TUBGCP6: variants seen among roughly 807,000 people sequenced by gnomAD.
TUBGCP6 encodes tubulin gamma complex component 6.
Under a neutral mutation model 175.8 loss-of-function variants are expected in TUBGCP6, and 161 were observed. The ratio of observed to expected loss-of-function variants is 0.92; its 90% CI spans 0.81 to 1.04. The LOEUF is 1.04. Among genes scored for constraint, TUBGCP6 ranks in the 50% least tolerant of loss-of-function variants. TUBGCP6 has a pLI of 0.00. For synonymous variants in TUBGCP6, 1,173 were observed against 1,030.5 expected (o/e 1.14, Z -2.65); for missense variants, 2,572 against 2,433.0 (o/e 1.06, Z -1.20).
At chr22:50,222,151 G>T in intron 14 of TUBGCP6, 49 bp from the exon 15 acceptor site, 1 of 1,579,534 alleles carries the variant, frequency 6.3e-7, no homozygotes, top group Non-Finnish European at 8.7e-7. Context: ...GTCAAGCACA[G>T]CCCTACCCCA....
At position 50,220,912 on chromosome 22, in the gene TUBGCP6, C is replaced by G; in HGVS notation, c.3447G>C (p.Ser1149=). 1.9e-6 allele frequency: 3 copies of G among 1,552,592 alleles called. No individual in the cohort carries two copies. Among genetic ancestry groups the G allele is most frequent in the Non-Finnish European group, 1.7e-6 (2 of 1,149,964 alleles). ...NASIRVGENV[S]DVAPTRPRWN... ...ACCGTGGCCGGGTGGGAGCCACGTC[C>G]GACACGTTCTCCCCAACCCTGATGC... Residue 1149 remains serine, a synonymous_variant, in exon 16 of 25, where the codon TCG becomes TCC. Coordinates refer to ENST00000248846, the MANE Select transcript of TUBGCP6 (RefSeq NM_020461.4).
chr22:50,226,098 T>C lies in TUBGCP6; in HGVS notation c.1785A>G (p.Ile595Met), dbSNP rs1409897713. ...PVFLKHIAHD[I>M]YVCGKTINLL... The stretch of plus-strand genomic sequence containing the variant: ...GGTTAATGGTCTTTCCGCAGACGTA[T>C]ATGTCGTGGGCAATGTGCTTCAGAA... Residue 595 changes from isoleucine to methionine, a missense_variant, in exon 9 of 25, where the codon ATA (isoleucine) becomes ATG (methionine). Ile to Met is a conservative substitution (Grantham distance 10). Transcript: ENST00000248846. 3 of 1,614,040 alleles carry C rather than the reference T, an allele frequency of 1.9e-6. No individual in the cohort carries two copies. The highest frequency in any genetic ancestry group is 1.7e-5 in the Admixed American group (1 of 60,006).
chr22:50,241,983 CAAAAAAAA>C (rs55647714), intron 1 of TUBGCP6, among the ~76,000 whole-genome samples: 26 of 92,806 alleles, frequency 2.8e-4, no homozygotes, highest in African/African-American at 8.1e-4. Context: ...GACTCCATCT[CAAAAAAAA>C]AAAAAAAAAA....
At chr22:50,241,554 A>G (rs189375430) in intron 1 of TUBGCP6, among the ~76,000 whole-genome samples, 1 of 152,298 alleles carries the variant, frequency 6.6e-6, no homozygotes, top group Admixed American at 6.5e-5. Flanking sequence ...CTCCTAGTCC[A>G]CTTTCATGTT....
rs1245511049 is a variant in TUBGCP6, at chr22:50,244,987, T to C, written c.-528A>G. ...CGTGGAAAGTGCCCACGGCTGCCGCTCTCGCCGCCTCCGTCGCGTCACAGC... is the reference window on the plus strand; with the variant it reads ...CGTGGAAAGTGCCCACGGCTGCCGCCCTCGCCGCCTCCGTCGCGTCACAGC... On this transcript the variant is annotated 5_prime_UTR_variant, in exon 1 of 25. Coordinates refer to ENST00000248846, the MANE Select transcript of TUBGCP6 (RefSeq NM_020461.4). The C allele has an allele frequency of 4.4e-6, 1 of 225,030 alleles. No individual in the cohort carries two copies. The highest frequency in any genetic ancestry group is 8.9e-6 in the Non-Finnish European group (1 of 112,864). 13.9% of individuals were successfully genotyped at this position (225,030 alleles called of 1,614,324 possible).
At position 50,233,331 on chromosome 22, in the gene TUBGCP6, C is replaced by T. The variant is rs547301117; in HGVS notation, c.1101G>A (p.Thr367=). The T allele has an allele frequency of 8.7e-6, 14 of 1,613,518 alleles. No homozygotes were observed. The highest frequency in any genetic ancestry group is 3.3e-5 in the Admixed American group (2 of 59,990). ...LNVLIGVVSA[T]FSLCQPAQAF... ...CAGTTCTCACCTGGCAGAGCGAAAA[C>T]GTGGCAGACACGACCCCAATCAAGA... is the stretch of plus-strand genomic sequence containing the variant. Residue 367 remains threonine (T), a synonymous_variant, in exon 3 of 25, where the codon ACG becomes ACA. Transcript: ENST00000248846.
chr22:50,219,507 C>T (rs374308075), intron 18 of TUBGCP6, 51 bp from the exon 19 acceptor site: 20 of 1,592,380 alleles, frequency 1.3e-5, no homozygotes, highest in South Asian at 4.5e-5. Context: ...CCCAGGGCTC[C>T]GCCCCCATCC....
At chr22:50,233,220 C>T in intron 3 of TUBGCP6, 96 bp downstream of exon 3, 1 of 1,398,458 alleles carries the variant, frequency 7.2e-7, no homozygotes, top group Admixed American at 2.0e-5. Flanking sequence ...CCACTCCCTG[C>T]ACTGGGGCTT....
Position 50,218,615 on chromosome 22 carries a change from G to C in TUBGCP6, c.4827C>G (p.Asp1609Glu). The part of the protein sequence containing the change: ...LSCLELRYKV[D>E]WPLNIVITEG... Reference sequence around the variant, plus strand: ...CGGTGATGACAATGTTGAGAGGCCAGTCCACCTGCCAGGAGGCGTGGCTCA... The same window carrying C: ...CGGTGATGACAATGTTGAGAGGCCACTCCACCTGCCAGGAGGCGTGGCTCA... Residue 1609 changes from aspartate (D) to glutamate (E), a missense_variant, in exon 22 of 25, where the codon GAC becomes GAG. Transcript: ENST00000248846. 1 of 1,613,624 alleles carries C rather than the reference G, an allele frequency of 6.2e-7. No homozygotes were observed. The highest frequency in any genetic ancestry group is 8.5e-7 in the Non-Finnish European group (1 of 1,179,838).
chr22:50,236,256 CT>C (rs930733194), intron 2 of TUBGCP6, among the ~76,000 whole-genome samples: 1 of 152,112 alleles, frequency 6.6e-6, no homozygotes, highest in African/African-American at 2.4e-5. Flanking sequence ...CTGCCTCAGC[CT>C]CCCGAGTAGC....
chr22:50,219,856 CAA>C, intron 17 of TUBGCP6, 65 bp from the exon 18 acceptor site: 1 of 1,602,354 alleles, frequency 6.2e-7, no homozygotes, highest in South Asian at 1.1e-5. Context: ...CAGCTTGTGC[CAA>C]AAAAAGGAAA....
chr22:50,224,566 T>C lies in TUBGCP6; in HGVS notation c.2010A>G (p.Gln670=), dbSNP rs142480840. ...EKELRMEIAK[Q]ELIAHAREAA... Reference sequence around the variant, plus strand: ...CTTCCCGGGCATGAGCGATTAATTCTTGTTTTGCAATTTCCATACGTAATT... The same window carrying C: ...CTTCCCGGGCATGAGCGATTAATTCCTGTTTTGCAATTTCCATACGTAATT... Residue 670 remains glutamine (Q), a synonymous_variant, in exon 11 of 25, where the codon CAA becomes CAG. Transcript: ENST00000248846. 1.7e-5 allele frequency: 28 copies of C among 1,614,112 alleles called. No individual in the cohort carries two copies. Among genetic ancestry groups the C allele is most frequent in the East Asian group, 8.9e-5 (4 of 44,890 alleles).
In TUBGCP6 at chr22:50,217,804, C is replaced by T. The variant is rs150137904; in HGVS notation, c.5392G>A (p.Gly1798Ser). The T allele has an allele frequency of 8.7e-6, 14 of 1,613,828 alleles. No individual in the cohort carries two copies. Among genetic ancestry groups the T allele is most frequent in the African/African-American group, 5.3e-5 (4 of 74,908 alleles). Residue 1798 changes from glycine to serine, a missense_variant, in exon 25 of 25, where the codon GGC (glycine) becomes AGC (serine). By Grantham distance (56) the Gly-to-Ser change is moderately conservative. Coordinates refer to ENST00000248846, the MANE Select transcript of TUBGCP6 (RefSeq NM_020461.4). ...AAGTCCTCCAGGTGGGGCTGGTAGC[C>T]GCGGTTCACCAGCTTGGTCACCACT... ...FKVVTKLVNR[G>S]YQPHLEDFLL...
chr22:50,219,795 A>G lies in TUBGCP6; in HGVS notation c.4168-4T>C. On this transcript the variant is annotated splice_polypyrimidine_tract_variant and splice_region_variant and intron_variant, in intron 17 of 24. Coordinates refer to ENST00000248846, the MANE Select transcript of TUBGCP6 (RefSeq NM_020461.4). ...TGCTCTGGGCAGCTGTGTCTTCCTA[A>G]CAAAACACCAGCCTCAGAACCACCT... is the stretch of plus-strand genomic sequence containing the variant. 6.2e-7 allele frequency: 1 copy of G among 1,612,048 alleles called. No homozygotes were observed. Among genetic ancestry groups the G allele is most frequent in the Non-Finnish European group, 8.5e-7 (1 of 1,178,662 alleles).
intron 2 of TUBGCP6, among the ~76,000 whole-genome samples, chr22:50,238,232 G>T (rs2064799999): frequency 1.3e-5 from 2 of 151,956 alleles, no homozygotes; most frequent in South Asian, 4.2e-4. Context: ...CCTAATTATG[G>T]TGAGCTGAAG....
chr22:50,221,544 C>G lies in TUBGCP6; in HGVS notation c.2815G>C (p.Ala939Pro), dbSNP rs773849188. The G allele has an allele frequency of 6.3e-7, 1 of 1,584,782 alleles. No individual in the cohort carries two copies. Among genetic ancestry groups the G allele is most frequent in the East Asian group, 2.3e-5 (1 of 43,782 alleles). ...LPPSAPGEAP[A>P]AASTQPSRPQ... is the part of the protein sequence containing the mutation. ...CTGGAGGGCTGAGTGCTGGCTGCTG[C>G]GGGTGCCTCCCCAGGAGCTGAGGGG... Residue 939 changes from alanine to proline, a missense_variant, in exon 16 of 25, where the codon GCA becomes CCA. Physicochemically the swap from Ala to Pro is conservative, Grantham distance 27. Transcript: ENST00000248846.
At position 50,222,444 on chromosome 22, in the gene TUBGCP6, G is replaced by A. The variant is rs760370434; in HGVS notation, c.2409+10C>T. 6 of 1,613,120 alleles carry A rather than the reference G, an allele frequency of 3.7e-6. No homozygotes were observed. The highest frequency in any genetic ancestry group is 1.7e-5 in the Admixed American group (1 of 59,992). ...AGGGGAAGAGCTGCCATCTGAAGCC[G>A]CAGACATACCTGAATGTGTTTCTCA... is the stretch of plus-strand genomic sequence containing the variant. On this transcript the variant is annotated intron_variant, in intron 14 of 24. Transcript: ENST00000248846.
At chr22:50,219,916 T>C in intron 17 of TUBGCP6, 41 bp downstream of exon 17, 1 of 1,612,952 alleles carries the variant, frequency 6.2e-7, no homozygotes. Flanking sequence ...GACAGAGCCC[T>C]CCCTGCCTGC....
rs1392821357 is a variant in TUBGCP6, at chr22:50,218,750, C to A, written c.4774G>T (p.Ala1592Ser). Residue 1592 changes from alanine to serine, a missense_variant, in exon 21 of 25, where the codon GCC becomes TCC. Transcript: ENST00000248846. ...LALKYLPEVFAPNAPDVLSCL... is the reference protein window; with the variant it reads ...LALKYLPEVFSPNAPDVLSCL... ...CTCAGCACATCCGGGGCGTTGGGGG[C>A]AAACACCTCGGGCAGGTACTTGAGA... 2 of 1,614,078 alleles carry A rather than the reference C, an allele frequency of 1.2e-6. No individual in the cohort carries two copies. The highest frequency in any genetic ancestry group is 1.7e-6 in the Non-Finnish European group (2 of 1,179,992).
Sources: allele counts gnomAD v4.1 joint callset (sites outside exome capture counted in the v4.1 genomes callset), GRCh38; gene constraint gnomAD v4.1.1; transcripts MANE v1.5; gene names NCBI Gene and HGNC (gene_info 2026-07-23, HGNC 2026-07-21).